The following GNAL variants were observed in gnomAD, a reference collection of about 807,000 sequenced individuals.
GNAL encodes the protein guanine nucleotide-binding protein G(olf) subunit alpha.
Under a neutral mutation model 55.1 loss-of-function variants are expected in GNAL, and 18 were observed. The observed-to-expected ratio is 0.33, with a 90% confidence interval of 0.23 to 0.48. The LOEUF (loss-of-function observed/expected upper bound fraction) is 0.48. GNAL is among the 20% of genes least tolerant of loss of function. GNAL has a pLI of 0.99. For synonymous variants in GNAL, 253 were observed against 237.0 expected, an observed-to-expected ratio of 1.07 and a Z score of -0.62; for missense variants, 412 against 614.1, an observed-to-expected ratio of 0.67 and a Z score of 3.48.
At chr18:11,804,918 TGGGTGGAACACG>T in intron 4 of GNAL, among the ~76,000 whole-genome samples, 1 of 145,960 alleles carries the variant, frequency 6.9e-6, no homozygotes, top group African/African-American at 2.6e-5. Context: ...AGGTGCAGTT[TGGGTGGAACACG>T]GAGATACTGT....
intron 1 of GNAL, among the ~76,000 whole-genome samples, chr18:11,736,767 T>C (rs545919238): frequency 3.9e-5 from 6 of 152,320 alleles, no homozygotes; most frequent in Admixed American, 3.9e-4. Context: ...GATGGGGAGA[T>C]TGCTACAAAG....
chr18:11,773,992 G>C (rs1358154531), intron 4 of GNAL, among the ~76,000 whole-genome samples: 1 of 151,948 alleles, frequency 6.6e-6, no homozygotes, highest in Non-Finnish European at 1.5e-5. Context: ...TGTAAAATGG[G>C]GATAATAATA....
At position 11,706,512 on chromosome 18, in the gene GNAL, G is replaced by A. The variant is rs536884187; in HGVS notation, c.376+16573G>A. Reference sequence around the variant, plus strand: ...AGACAGCAATGAAGTTGATCACATCGGTTAACTCTTTCTTTCATGAAAGAT... The same window carrying A: ...AGACAGCAATGAAGTTGATCACATCAGTTAACTCTTTCTTTCATGAAAGAT... On this transcript the variant is annotated intron_variant, in intron 1 of 11. Coordinates refer to ENST00000334049, the MANE Select transcript of GNAL (RefSeq NM_182978.4). Among the ~76,000 whole-genome samples, 37 of 152,074 alleles carry A rather than the reference G, an allele frequency of 2.4e-4. No individual in the cohort carries two copies. In the South Asian group the frequency reaches 6.7e-3, roughly 27 times the overall value.
rs1379315240 is a variant in GNAL, at chr18:11,751,333, C to T, written c.377-1520C>T. On this transcript the variant is annotated intron_variant, in intron 1 of 11. Coordinates refer to ENST00000334049, the MANE Select transcript of GNAL (RefSeq NM_182978.4). This position sits in a 1 kb window ranked among gnomAD's most constrained non-coding sequence, Gnocchi z 4.5. ...GCCAGTCTCGCGCCCTAGTTCGTTC[C>T]TCTGCTACAACGCCAAGTTCGAGGC... 2 of 187,908 alleles carry T rather than the reference C, an allele frequency of 1.1e-5. No individual in the cohort carries two copies. Among genetic ancestry groups the T allele is most frequent in the Non-Finnish European group, 2.0e-5 (2 of 100,772 alleles). 11.6% of individuals were successfully genotyped at this position (187,908 alleles called of 1,614,324 possible).
At chr18:11,782,881 A>G (rs2033958608) in intron 4 of GNAL, among the ~76,000 whole-genome samples, 1 of 152,252 alleles carries the variant, frequency 6.6e-6, no homozygotes, top group Non-Finnish European at 1.5e-5. Flanking sequence ...AGCATAATGC[A>G]TGATAAAGAG....
In GNAL at chr18:11,689,553, G is replaced by A; in HGVS notation, c.-11G>A. 1.6e-6 allele frequency: 2 copies of A among 1,234,548 alleles called. No individual in the cohort carries two copies. Among genetic ancestry groups the A allele is most frequent in the Non-Finnish European group, 2.0e-6 (2 of 984,128 alleles). 76.5% of individuals were successfully genotyped at this position (1,234,548 alleles called of 1,614,324 possible). ...TAGTCCCGCGCGCCGCCCCCGCTGT[G>A]CCGCGCCCACATGGGTCTGTGCTAC... On this transcript the variant is annotated 5_prime_UTR_variant, in exon 1 of 12. Coordinates refer to ENST00000334049, the MANE Select transcript of GNAL (RefSeq NM_182978.4).
intron 1 of GNAL, among the ~76,000 whole-genome samples, chr18:11,716,941 G>T (rs2143387524): frequency 6.6e-6 from 1 of 152,346 alleles, no homozygotes; most frequent in African/African-American, 2.4e-5. Context: ...CCGCACGGTT[G>T]TGCCCACACT....
chr18:11,736,787 T>G (rs1039211656), intron 1 of GNAL, among the ~76,000 whole-genome samples: 4 of 152,208 alleles, frequency 2.6e-5, no homozygotes, highest in Non-Finnish European at 5.9e-5. Context: ...GGACACTTGG[T>G]TCTGTTAGCA....
intron 4 of GNAL, among the ~76,000 whole-genome samples, chr18:11,813,204 G>A (rs1023973562): frequency 4.7e-5 from 7 of 147,718 alleles, no homozygotes; most frequent in African/African-American, 1.8e-4. Flanking sequence ...GCAGTGAGCC[G>A]AGATCGCTCT....
intron 1 of GNAL, among the ~76,000 whole-genome samples, chr18:11,700,963 G>A (rs1047654038): frequency 2.0e-5 from 3 of 152,178 alleles, no homozygotes; most frequent in Admixed American, 2.0e-4. Context: ...CTCACCAACT[G>A]CAAACATTTG....
intron 1 of GNAL, among the ~76,000 whole-genome samples, chr18:11,742,690 C>G (rs562794352): frequency 6.6e-6 from 1 of 152,220 alleles, no homozygotes. Context: ...GCAGTGCCTT[C>G]TCACCTTAAA....
chr18:11,757,459 G>T (rs2033096614), intron 4 of GNAL, among the ~76,000 whole-genome samples: 1 of 152,196 alleles, frequency 6.6e-6, no homozygotes, highest in South Asian at 2.1e-4. Flanking sequence ...TCGGAGACTA[G>T]TCTAATAATA....
At chr18:11,696,169 G>A (rs8099179) in intron 1 of GNAL, among the ~76,000 whole-genome samples, 53,884 of 151,984 alleles carry the variant, frequency 0.35, 13,192 homozygotes, top group African/African-American at 0.7. Context: ...AGAAATCCCA[G>A]TACTCTGGCT....
intron 8 of GNAL, among the ~76,000 whole-genome samples, chr18:11,867,602 C>T (rs745558484): frequency 3.3e-5 from 5 of 150,222 alleles, no homozygotes; most frequent in African/African-American, 9.8e-5. Flanking sequence ...ATCACGAGGT[C>T]AGGAGATCGA....
intron 4 of GNAL, among the ~76,000 whole-genome samples, chr18:11,754,735 G>C (rs758261569): frequency 5.9e-5 from 9 of 152,164 alleles, no homozygotes; most frequent in Non-Finnish European, 8.8e-5. Flanking sequence ...TGATAGCATG[G>C]ATCACTTCTG....
chr18:11,838,287 C>T lies in GNAL; in HGVS notation c.722+13272C>T, dbSNP rs150340479. 3.2e-3 allele frequency among the ~76,000 whole-genome samples: 490 copies of T among 152,280 alleles called. 5 individuals are homozygous for T. Among genetic ancestry groups the T allele is most frequent in the African/African-American group, 0.011 (467 of 41,550 alleles). On this transcript the variant is annotated intron_variant, in intron 5 of 11. Transcript: ENST00000334049. ...GATCCTTGAAAACATTATGCTAAGT[C>T]AAAGCCACCAGACACAAAAGACCAC... is the stretch of plus-strand genomic sequence containing the variant.
At chr18:11,724,943 A>G (rs1252975007) in intron 1 of GNAL, among the ~76,000 whole-genome samples, 1 of 152,222 alleles carries the variant, frequency 6.6e-6, no homozygotes, top group East Asian at 1.9e-4. Context: ...AAAGGCTCCA[A>G]ACAGCATCTC....
intron 5 of GNAL, among the ~76,000 whole-genome samples, chr18:11,849,085 G>A (rs568013240): frequency 9.5e-4 from 144 of 152,312 alleles, no homozygotes; most frequent in African/African-American, 3.3e-3. Flanking sequence ...TTTATGTAAA[G>A]TGCCCAGAAC....
At chr18:11,763,250 TA>T (rs1020217908) in intron 4 of GNAL, among the ~76,000 whole-genome samples, 4 of 152,208 alleles carry the variant, frequency 2.6e-5, no homozygotes, top group Admixed American at 2.6e-4. Context: ...CTCTCTACAC[TA>T]ACACACATTT....
Sources: gnomAD v4.1 joint callset for allele counts (sites outside exome capture counted in the v4.1 genomes callset) on GRCh38, gnomAD v4.1.1 for gene constraint, Gnocchi (gnomAD v3.1) non-coding constraint, MANE v1.5 for transcripts, NCBI Gene and HGNC (gene_info 2026-07-23, HGNC 2026-07-21) for gene names.